FAM117B: variants seen among roughly 807,000 people sequenced by gnomAD.
The protein encoded by FAM117B is protein FAM117B.
Under a neutral mutation model 52.8 loss-of-function variants are expected in FAM117B, and 22 were observed. That is an observed-to-expected ratio of 0.42 (90% CI 0.30 to 0.59). The LOEUF is 0.59. Among genes scored for constraint, FAM117B ranks in the 20% least tolerant of loss-of-function variants. The probability of loss-of-function intolerance (pLI) is 0.22; values close to 1 mark genes in which losing one functional copy is unlikely to be tolerated. For missense variants in FAM117B, 678 were observed against 802.6 expected (o/e 0.84, Z 1.88); for synonymous variants, 309 against 324.1 (o/e 0.95, Z 0.50).
At chr2:202,680,900 A>G (rs1690452468) in intron 1 of FAM117B, among the ~76,000 whole-genome samples, 1 of 152,240 alleles carries the variant, frequency 6.6e-6, no homozygotes, top group South Asian at 2.1e-4. Context: ...AGCACCTGAA[A>G]TAGTCAATTA....
At chr2:202,725,124 T>C (rs1199301145) in intron 3 of FAM117B, 115 bp downstream of exon 3, 2 of 701,570 alleles carry the variant, frequency 2.9e-6, no homozygotes, top group African/African-American at 3.6e-5. Flanking sequence ...CTTTTTTCTT[T>C]TTGGCTTCTG....
intron 1 of FAM117B, among the ~76,000 whole-genome samples, chr2:202,662,441 T>C (rs1193701815): frequency 6.6e-6 from 1 of 152,058 alleles, no homozygotes; most frequent in Non-Finnish European, 1.5e-5. Flanking sequence ...AAAGTTGCAG[T>C]CAGGAGGAAT....
Position 202,766,538 on chromosome 2 carries a change from C to T in FAM117B, c.*774C>T, listed in dbSNP as rs1014725809. 1.3e-5 allele frequency: 2 copies of T among 152,620 alleles called. No individual in the cohort carries two copies. The highest frequency in any genetic ancestry group is 4.8e-5 in the African/African-American group (2 of 41,448). The allele number at this position is 152,620 out of a possible 1,614,324, so 9.5% of individuals were successfully genotyped here. A position where few individuals can be genotyped will look rare whatever the true frequency, so the allele number is the denominator to read the frequency against. ...TTCTTCACTACTCCTGTACACATTT[C>T]ACCATGTGGTCAGAAAAGTTGTAGT... On this transcript the variant is annotated 3_prime_UTR_variant, in exon 8 of 8. Coordinates refer to ENST00000392238, the MANE Select transcript of FAM117B (RefSeq NM_173511.4).
Position 202,765,770 on chromosome 2 carries a change from A to G in FAM117B, c.*6A>G, listed in dbSNP as rs1691967907. ...TTGAGGAAGCTGAAGGATAGGTCACAGTGCAACGTGGCTGTTGTTCTGGGA... is the reference window on the plus strand; with the variant it reads ...TTGAGGAAGCTGAAGGATAGGTCACGGTGCAACGTGGCTGTTGTTCTGGGA... On this transcript the variant is annotated 3_prime_UTR_variant, in exon 8 of 8. Coordinates refer to ENST00000392238, the MANE Select transcript of FAM117B (RefSeq NM_173511.4). 1 of 1,611,656 alleles carries G rather than the reference A, an allele frequency of 6.2e-7. No homozygotes were observed. The highest frequency in any genetic ancestry group is 1.1e-5 in the South Asian group (1 of 90,924).
intron 4 of FAM117B, among the ~76,000 whole-genome samples, chr2:202,741,164 T>C (rs1257878625): frequency 6.6e-6 from 1 of 151,996 alleles, no homozygotes; most frequent in Non-Finnish European, 1.5e-5. Flanking sequence ...GGCTCATGCC[T>C]TAATCCCAGC....
chr2:202,725,480 A>G (rs189148340), intron 3 of FAM117B, among the ~76,000 whole-genome samples: 1 of 151,970 alleles, frequency 6.6e-6, no homozygotes, highest in African/African-American at 2.4e-5. Flanking sequence ...CATCATGGCC[A>G]GCTAATTTTT....
chr2:202,672,003 G>C (rs1157113761), intron 1 of FAM117B, among the ~76,000 whole-genome samples: 1 of 152,128 alleles, frequency 6.6e-6, no homozygotes, highest in Admixed American at 6.5e-5. Flanking sequence ...AGCTTTAGGT[G>C]TGTTAGTTAC....
At chr2:202,745,238 T>A (rs1394677676) in intron 4 of FAM117B, among the ~76,000 whole-genome samples, 5 of 150,426 alleles carry the variant, frequency 3.3e-5, no homozygotes, top group Non-Finnish European at 5.9e-5. Context: ...GGAGATTGTG[T>A]CACTGCACTC....
intron 2 of FAM117B, among the ~76,000 whole-genome samples, chr2:202,718,497 A>G (rs1446164189): frequency 6.6e-6 from 1 of 152,144 alleles, no homozygotes; most frequent in Non-Finnish European, 1.5e-5. Flanking sequence ...GTGGCATATT[A>G]TATCAGTTGA....
chr2:202,666,504 T>A (rs988643920), intron 1 of FAM117B, among the ~76,000 whole-genome samples: 17 of 151,820 alleles, frequency 1.1e-4, no homozygotes, highest in African/African-American at 2.2e-4. Flanking sequence ...CATTTTTTTT[T>A]AAATTGTATC....
At chr2:202,668,790 G>A (rs1412642854) in intron 1 of FAM117B, among the ~76,000 whole-genome samples, 1 of 151,898 alleles carries the variant, frequency 6.6e-6, no homozygotes. Flanking sequence ...TGCCTCTAAG[G>A]GCTGTGTTTA....
chr2:202,696,619 C>T (rs1234413017), intron 2 of FAM117B, among the ~76,000 whole-genome samples: 6 of 152,130 alleles, frequency 3.9e-5, no homozygotes, highest in East Asian at 1.9e-4. Context: ...TCTAACTTTA[C>T]GTTTTTGTGC....
intron 7 of FAM117B, among the ~76,000 whole-genome samples, chr2:202,764,467 A>G (rs921234023): frequency 1.3e-5 from 2 of 151,738 alleles, no homozygotes; most frequent in African/African-American, 4.8e-5. Flanking sequence ...ACGAGGTCTC[A>G]CTATGTTGCC....
intron 4 of FAM117B, among the ~76,000 whole-genome samples, chr2:202,741,682 G>A (rs375441710): frequency 1.9e-4 from 29 of 151,772 alleles, no homozygotes; most frequent in South Asian, 1.5e-3. Context: ...GACTACAGGC[G>A]CCCGCCACCT....
chr2:202,649,677 G>A lies in FAM117B; in HGVS notation c.601+13889G>A, dbSNP rs563800054. 5.9e-5 allele frequency among the ~76,000 whole-genome samples: 9 copies of A among 151,618 alleles called. No homozygotes were observed. The South Asian group carries it at 1.7e-3, about 28-fold the overall frequency. On this transcript the variant is annotated intron_variant, in intron 1 of 7. Coordinates refer to ENST00000392238, the MANE Select transcript of FAM117B (RefSeq NM_173511.4). ...AGTGATTCTCCTGTCTCAGCCTCTCGAGTAGCTGGGATCACAGGCACGCGC... is the reference window on the plus strand; with the variant it reads ...AGTGATTCTCCTGTCTCAGCCTCTCAAGTAGCTGGGATCACAGGCACGCGC...
intron 1 of FAM117B, among the ~76,000 whole-genome samples, chr2:202,649,701 G>A (rs531049616): frequency 1.3e-5 from 2 of 151,694 alleles, no homozygotes; most frequent in African/African-American, 2.4e-5. Flanking sequence ...ACAGGCACGC[G>A]CCACCACACT....
chr2:202,652,184 G>A (rs928653219), intron 1 of FAM117B, among the ~76,000 whole-genome samples: 7 of 151,528 alleles, frequency 4.6e-5, no homozygotes, highest in African/African-American at 1.7e-4. Flanking sequence ...CTGCAGCCTC[G>A]ACCTCCCTAG....
At chr2:202,644,079 T>TTTTTTTC in intron 1 of FAM117B, among the ~76,000 whole-genome samples, 1 of 146,300 alleles carries the variant, frequency 6.8e-6, no homozygotes. Context: ...TTTTTTTTTT[T>TTTTTTTC]TTTTTCAGTT....
chr2:202,709,218 T>C (rs1009140564), intron 2 of FAM117B, among the ~76,000 whole-genome samples: 1 of 151,824 alleles, frequency 6.6e-6, no homozygotes, highest in Non-Finnish European at 1.5e-5. Context: ...TTTTTTTTTT[T>C]CCAGACAGGG....
Sources: allele counts gnomAD v4.1 joint callset (sites outside exome capture counted in the v4.1 genomes callset), GRCh38; gene constraint gnomAD v4.1.1; transcripts MANE v1.5; gene names NCBI Gene and HGNC (gene_info 2026-07-23, HGNC 2026-07-21).